LRTM3: variants seen among roughly 807,000 people sequenced by gnomAD.
The protein encoded by LRTM3 is leucine rich repeat transmembrane protein 3, also known as leucine-rich repeat transmembrane protein 3.
chr13:102,742,394 G>T, the LRTM3 span: 3 of 1,546,526 alleles, frequency 1.9e-6, no homozygotes, highest in South Asian at 1.2e-5. Flanking sequence ...ACTCCAGATA[G>T]TTCCTGAGAC....
At chr13:102,745,729 T>C in the LRTM3 span, 4 of 1,542,336 alleles carry the variant, frequency 2.6e-6, no homozygotes, top group Non-Finnish European at 3.5e-6. Flanking sequence ...TAGAATCAGA[T>C]GAGATACCAC....
chr13:102,756,213 A>G, the LRTM3 span, among the ~76,000 whole-genome samples: 1 of 150,952 alleles, frequency 6.6e-6, no homozygotes, highest in Non-Finnish European at 1.5e-5. Context: ...CAGCTTCCCA[A>G]AATGCTGGGA....
At chr13:102,742,619 T>C in the LRTM3 span, 1 of 1,550,658 alleles carries the variant, frequency 6.4e-7, no homozygotes, top group Non-Finnish European at 8.7e-7. Context: ...TTTAAAGTTC[T>C]GTTTCTGCTC....
chr13:102,742,434 C>T, the LRTM3 span: 2 of 1,547,642 alleles, frequency 1.3e-6, no homozygotes, highest in Non-Finnish European at 1.7e-6. Context: ...TTTGGCAGGG[C>T]AAATGTCTTG....
the LRTM3 span, chr13:102,740,713 T>C: frequency 6.5e-7 from 1 of 1,548,304 alleles, no homozygotes; most frequent in South Asian, 1.2e-5. Context: ...TGGAGTGAGA[T>C]GCAGGCTTTG....
chr13:102,754,128 C>A, the LRTM3 span, among the ~76,000 whole-genome samples: 1 of 150,802 alleles, frequency 6.6e-6, no homozygotes, highest in Admixed American at 6.6e-5. Flanking sequence ...GTTGTTGAAC[C>A]CAGGAGATGA....
the LRTM3 span, chr13:102,738,852 A>G: frequency 7.5e-4 from 1,159 of 1,550,504 alleles, 3 homozygotes; most frequent in Non-Finnish European, 8.7e-4. Flanking sequence ...TTCAACTCTA[A>G]TTCTTGGAAT....
the LRTM3 span, chr13:102,750,125 T>C: frequency 6.4e-7 from 1 of 1,551,154 alleles, no homozygotes; most frequent in South Asian, 1.2e-5. Context: ...GGAGGAAAAT[T>C]GTATTGTTTC....
chr13:102,734,068 A>T, the LRTM3 span: 1 of 1,551,456 alleles, frequency 6.4e-7, no homozygotes, highest in East Asian at 2.4e-5. Context: ...CACATGCTTC[A>T]TCTTTATCTT....
At chr13:102,758,560 G>A in the LRTM3 span, 3 of 1,548,064 alleles carry the variant, frequency 1.9e-6, no homozygotes, top group Non-Finnish European at 2.6e-6. Context: ...CCTGCTTTTG[G>A]GGCAACTGTC....
the LRTM3 span, chr13:102,734,268 C>A: frequency 6.4e-7 from 1 of 1,551,384 alleles, no homozygotes; most frequent in East Asian, 2.4e-5. Context: ...CTCCTTGCCT[C>A]TGCATCTGCT....
chr13:102,749,192 G>A, the LRTM3 span: 1 of 1,550,614 alleles, frequency 6.4e-7, no homozygotes, highest in East Asian at 2.4e-5. Flanking sequence ...AAATACTTGT[G>A]AAGTTGGTGT....
the LRTM3 span, chr13:102,749,772 C>G: frequency 6.4e-7 from 1 of 1,551,290 alleles, no homozygotes; most frequent in Non-Finnish European, 8.7e-7. Context: ...TCATAAAGAC[C>G]TTGATTCTGA....
chr13:102,742,823 A>G, the LRTM3 span: 2 of 1,550,632 alleles, frequency 1.3e-6, no homozygotes, highest in South Asian at 1.2e-5. Flanking sequence ...CAAATTACAG[A>G]AAGCATTTTC....
the LRTM3 span, chr13:102,749,313 A>G: frequency 1.3e-6 from 2 of 1,551,280 alleles, no homozygotes; most frequent in African/African-American, 1.4e-5. Context: ...ACTGAGCTAT[A>G]TACAGAATCC....
At chr13:102,736,275 C>T in the LRTM3 span, 22 of 1,551,038 alleles carry the variant, frequency 1.4e-5, no homozygotes, top group African/African-American at 2.3e-4. Context: ...CCTGCTCTCT[C>T]TTTCATGCCC....
the LRTM3 span, chr13:102,747,516 G>A: frequency 3.9e-6 from 6 of 1,550,518 alleles, no homozygotes; most frequent in African/African-American, 5.5e-5. Flanking sequence ...GTAAGCAAGT[G>A]GTTATTGAAA....
At chr13:102,740,580 C>A in the LRTM3 span, 1 of 1,549,032 alleles carries the variant, frequency 6.5e-7, no homozygotes, top group Non-Finnish European at 8.7e-7. Flanking sequence ...GTATATCCAA[C>A]TATGACATCC....
At chr13:102,758,804 T>G in the LRTM3 span, 2 of 1,550,240 alleles carry the variant, frequency 1.3e-6, no homozygotes, top group Non-Finnish European at 1.7e-6. Flanking sequence ...CTAGTAAAAT[T>G]ATAAAGAAAA....
Sources: gnomAD v4.1 joint callset for allele counts (sites outside exome capture counted in the v4.1 genomes callset) on GRCh38, gnomAD v4.1.1 for gene constraint, MANE v1.5 for transcripts, NCBI Gene and HGNC (gene_info 2026-07-23, HGNC 2026-07-21) for gene names.